Variants in ASB5 observed in about 807,000 individuals in gnomAD.
The protein encoded by ASB5 is ankyrin repeat and SOCS box containing 5, also known as ankyrin repeat and SOCS box protein 5.
ASB5 carries 45 observed loss-of-function variants against 42.1 expected under a neutral mutation model. The ratio of observed to expected loss-of-function variants is 1.07; its 90% CI spans 0.84 to 1.37. The LOEUF (loss-of-function observed/expected upper bound fraction) is 1.37, where lower values mean the gene tolerates loss of function less well. Ranked by LOEUF, ASB5 falls within the 40% of genes most tolerant of loss-of-function variation. The probability of loss-of-function intolerance (pLI) is 0.00; values close to 1 mark genes in which losing one functional copy is unlikely to be tolerated. For missense variants in ASB5, 402 were observed against 399.8 expected (o/e 1.01, Z -0.05); for synonymous variants, 147 against 150.6 (o/e 0.98, Z 0.18).
chr4:176,222,038 C>T (rs777101285), intron 3 of ASB5, among the ~76,000 whole-genome samples: 3 of 151,998 alleles, frequency 2.0e-5, no homozygotes, highest in Non-Finnish European at 4.4e-5. Flanking sequence ...ACGTTATAGA[C>T]CTAAAGATGT....
At chr4:176,240,667 AT>A (rs1235087734) in intron 1 of ASB5, among the ~76,000 whole-genome samples, 2 of 152,196 alleles carry the variant, frequency 1.3e-5, no homozygotes, top group Non-Finnish European at 2.9e-5. Context: ...AGAAAGCAAG[AT>A]CACCTTCTGA....
At chr4:176,247,686 G>C (rs1753938932) in intron 1 of ASB5, among the ~76,000 whole-genome samples, 2 of 152,110 alleles carry the variant, frequency 1.3e-5, no homozygotes, top group Non-Finnish European at 2.9e-5. Context: ...GAATTTCAAA[G>C]GAATGCTTTA....
chr4:176,242,613 GTTGT>G (rs1325511455), intron 1 of ASB5, among the ~76,000 whole-genome samples: 1 of 152,126 alleles, frequency 6.6e-6, no homozygotes, highest in Non-Finnish European at 1.5e-5. Context: ...CAATCCAGCT[GTTGT>G]TTATTTGCAC....
In ASB5 at chr4:176,214,275, T is replaced by G. The variant is rs1433022695; in HGVS notation, c.*1325A>C. 1.3e-5 allele frequency: 2 copies of G among 152,126 alleles called. No homozygotes were observed. The highest frequency in any genetic ancestry group is 2.9e-5 in the Non-Finnish European group (2 of 67,982). The allele number at this position is 152,126 out of a possible 1,614,324, so 9.4% of individuals were successfully genotyped here. A position where few individuals can be genotyped will look rare whatever the true frequency, so the allele number is the denominator to read the frequency against. On this transcript the variant is annotated 3_prime_UTR_variant, in exon 7 of 7. Transcript: ENST00000296525. ...ATAAGCCCTGGGTTGTTGAAAATAG[T>G]GGTCAAAATATTTACTTTATCAAAA...
intron 1 of ASB5, among the ~76,000 whole-genome samples, chr4:176,230,168 T>G (rs1753491562): frequency 1.3e-5 from 2 of 152,158 alleles, no homozygotes; most frequent in African/African-American, 2.4e-5. Context: ...GCTCTCTAAA[T>G]GCACAATAAA....
intron 1 of ASB5, among the ~76,000 whole-genome samples, chr4:176,263,089 C>T (rs2126977241): frequency 6.6e-6 from 1 of 152,230 alleles, no homozygotes; most frequent in South Asian, 2.1e-4. Flanking sequence ...TCCCTTGATG[C>T]TGAGTGAGTT....
rs1418032867 is a variant in ASB5, at chr4:176,246,063, A to AT, written c.197-20723dup. Among the ~76,000 whole-genome samples, 6 of 152,082 alleles carry AT rather than the reference A, an allele frequency of 3.9e-5. No individual in the cohort carries two copies. In the South Asian group the frequency reaches 6.2e-4, roughly 16 times the overall value. On this transcript the variant is annotated intron_variant, in intron 1 of 6. Transcript: ENST00000296525. ...AAGTATATAAAAAAAAATTACACAGATAAAAAAAAAGAAATCCCCCATATT... is the reference window on the plus strand; with the variant it reads ...AAGTATATAAAAAAAAATTACACAGATTAAAAAAAAAGAAATCCCCCATATT...
intron 1 of ASB5, among the ~76,000 whole-genome samples, chr4:176,248,402 G>A (rs1280660417): frequency 6.6e-6 from 1 of 152,112 alleles, no homozygotes; most frequent in Non-Finnish European, 1.5e-5. Context: ...GATTACAGGT[G>A]TGAGCCACTG....
intron 1 of ASB5, among the ~76,000 whole-genome samples, chr4:176,236,253 T>C (rs1228431983): frequency 6.6e-6 from 1 of 152,188 alleles, no homozygotes; most frequent in East Asian, 1.9e-4. Context: ...TAACTTACCC[T>C]TCATTTAAGA....
At chr4:176,244,306 G>A (rs545743367) in intron 1 of ASB5, among the ~76,000 whole-genome samples, 1 of 152,258 alleles carries the variant, frequency 6.6e-6, no homozygotes, top group South Asian at 2.1e-4. Flanking sequence ...TAAGTTTGGG[G>A]TGATACATGC....
intron 1 of ASB5, among the ~76,000 whole-genome samples, chr4:176,230,388 C>T (rs1241964951): frequency 6.6e-6 from 1 of 152,134 alleles, no homozygotes; most frequent in Non-Finnish European, 1.5e-5. Context: ...CAGCAACCAA[C>T]AACTGCTGTT....
chr4:176,219,332 A>G (rs1490490187), intron 5 of ASB5, among the ~76,000 whole-genome samples: 23 of 87,302 alleles, frequency 2.6e-4, no homozygotes, highest in African/African-American at 8.2e-4. Flanking sequence ...TGTATGATAT[A>G]TAAATATATA....
intron 5 of ASB5, 51 bp downstream of exon 5, chr4:176,221,104 A>T: frequency 6.6e-7 from 1 of 1,504,214 alleles, no homozygotes; most frequent in Middle Eastern, 1.8e-4. Context: ...AGAGAAATAA[A>T]TAACTGCTTG....
Position 176,221,499 on chromosome 4 carries a change from G to A in ASB5, c.486C>T (p.Ala162=), listed in dbSNP as rs1360859830. 1.2e-6 allele frequency: 2 copies of A among 1,614,122 alleles called. No homozygotes were observed. Among genetic ancestry groups the A allele is most frequent in the Non-Finnish European group, 1.7e-6 (2 of 1,180,010 alleles). ...AELLLEYGAK[A]QLESCLPSPT... ...GGGATGGAAGACATGACTCCAGCTG[G>A]GCTTTGGCACCATACTCCAGAAGCA... The change falls in exon 4 of 7, where the codon GCC becomes GCT. Residue 162 remains alanine (A), a synonymous_variant. Coordinates refer to ENST00000296525, the MANE Select transcript of ASB5 (RefSeq NM_080874.4).
intron 1 of ASB5, among the ~76,000 whole-genome samples, chr4:176,276,194 T>C (rs557407374): frequency 6.6e-6 from 1 of 152,284 alleles, no homozygotes; most frequent in Non-Finnish European, 1.5e-5. Context: ...CAATAATTCA[T>C]ATGAAGCACT....
At chr4:176,225,431 T>C (rs539512251) in intron 1 of ASB5, 90 bp from the exon 2 acceptor site, 1 of 1,094,362 alleles carries the variant, frequency 9.1e-7, no homozygotes, top group East Asian at 2.4e-5. Context: ...CAAGATCACA[T>C]AAATTATTCA....
At chr4:176,252,065 CAAAAAAAAAAA>C (rs1168453149) in intron 1 of ASB5, among the ~76,000 whole-genome samples, 1 of 51,714 alleles carries the variant, frequency 1.9e-5, no homozygotes, top group African/African-American at 8.5e-5. Flanking sequence ...GACCTTGTCT[CAAAAAAAAAAA>C]AAAAAAAGAA....
chr4:176,268,726 A>AC (rs1365006475), intron 1 of ASB5, among the ~76,000 whole-genome samples, 187 bp downstream of exon 1: 1 of 152,084 alleles, frequency 6.6e-6, no homozygotes, highest in Admixed American at 6.6e-5. Flanking sequence ...CTTGATTTTA[A>AC]CCCAAACATT....
chr4:176,258,515 T>C (rs183043628), intron 1 of ASB5, among the ~76,000 whole-genome samples: 6 of 152,338 alleles, frequency 3.9e-5, no homozygotes, highest in Admixed American at 2.0e-4. Context: ...GTCTAGGAAA[T>C]TGAAATTTTC....
Sources: allele counts gnomAD v4.1 joint callset (sites outside exome capture counted in the v4.1 genomes callset), GRCh38; gene constraint gnomAD v4.1.1; transcripts MANE v1.5; gene names NCBI Gene and HGNC (gene_info 2026-07-23, HGNC 2026-07-21).